WNT7A: variants seen among roughly 807,000 people sequenced by gnomAD.
WNT7A encodes the protein protein Wnt-7a.
A neutral mutation model predicts 28.2 loss-of-function variants in WNT7A; 16 were observed. That is an observed-to-expected ratio of 0.57 (90% CI 0.38 to 0.86). The LOEUF is 0.86. Ranked by LOEUF, WNT7A falls within the 40% of genes least tolerant of loss-of-function variation. The pLI is 0.00. For missense variants in WNT7A, 411 were observed against 489.7 expected (o/e 0.84, Z 1.52); for synonymous variants, 190 against 195.9 (o/e 0.97, Z 0.25).
intron 3 of WNT7A, among the ~76,000 whole-genome samples, chr3:13,841,682 G>A (rs1694459808): frequency 6.6e-6 from 1 of 152,242 alleles, no homozygotes; most frequent in Admixed American, 6.5e-5. Context: ...AGGTGGGAGG[G>A]AAGCTTCTGT....
At chr3:13,823,291 G>A (rs2124828093) in intron 3 of WNT7A, among the ~76,000 whole-genome samples, 1 of 152,374 alleles carries the variant, frequency 6.6e-6, no homozygotes, top group Non-Finnish European at 1.5e-5. Context: ...TTCAGTGTCA[G>A]GAGGTCTGAG....
intron 3 of WNT7A, among the ~76,000 whole-genome samples, chr3:13,842,648 G>A (rs1694481806): frequency 6.6e-6 from 1 of 152,242 alleles, no homozygotes; most frequent in South Asian, 2.1e-4. Flanking sequence ...TCATGGCCAA[G>A]GCCAGGGCCA....
At chr3:13,862,312 T>C (rs1320578951) in intron 2 of WNT7A, among the ~76,000 whole-genome samples, 1 of 152,232 alleles carries the variant, frequency 6.6e-6, no homozygotes, top group Non-Finnish European at 1.5e-5. Flanking sequence ...TAAACTGATG[T>C]CCAAGCCTGC....
At chr3:13,860,766 C>T (rs138361222) in intron 2 of WNT7A, among the ~76,000 whole-genome samples, 147 of 152,214 alleles carry the variant, frequency 9.7e-4, no homozygotes, top group African/African-American at 3.4e-3. Context: ...CGGGGAAGCC[C>T]CTTCATTCAG....
intron 3 of WNT7A, among the ~76,000 whole-genome samples, chr3:13,841,890 G>A (rs914987354): frequency 6.6e-6 from 1 of 152,212 alleles, no homozygotes; most frequent in East Asian, 1.9e-4. Context: ...GTCAGGAAAG[G>A]CCTCCTTGAG....
chr3:13,834,495 C>A (rs1308828615), intron 3 of WNT7A, among the ~76,000 whole-genome samples: 1 of 152,022 alleles, frequency 6.6e-6, no homozygotes, highest in African/African-American at 2.4e-5. Context: ...TTCCCTCTGT[C>A]CTCCAGGCAT....
intron 2 of WNT7A, among the ~76,000 whole-genome samples, chr3:13,872,095 A>G (rs575029002): frequency 6.6e-6 from 1 of 152,242 alleles, no homozygotes; most frequent in East Asian, 1.9e-4. Context: ...ACAAATCCAG[A>G]GCCATTCCCT....
rs140394066 is a variant in WNT7A at position 13,859,174 on chromosome 3, C to A, written c.299-4371G>T. ...TGTCCTGAAGGTCACAGCAGAGAGG[C>A]AAGTATGTGAGGCTGATCCAGTGTT... On this transcript the variant is annotated intron_variant, in intron 2 of 3. Coordinates refer to ENST00000285018, the MANE Select transcript of WNT7A (RefSeq NM_004625.4). Among the ~76,000 whole-genome samples, 442 of 152,310 alleles carry A rather than the reference C, an allele frequency of 2.9e-3. 2 individuals carry two copies. The highest frequency in any genetic ancestry group is 0.018 in the South Asian group (87 of 4,818).
intron 3 of WNT7A, among the ~76,000 whole-genome samples, chr3:13,829,516 C>T (rs116212205): frequency 0.017 from 2,553 of 152,276 alleles, 72 homozygotes; most frequent in African/African-American, 0.058. Flanking sequence ...GGGATGAGTG[C>T]GCACAGGGCT....
At chr3:13,830,102 A>G (rs950451836) in intron 3 of WNT7A, among the ~76,000 whole-genome samples, 1 of 151,944 alleles carries the variant, frequency 6.6e-6, no homozygotes, top group African/African-American at 2.4e-5. Context: ...GTCTTCTCCC[A>G]TCCACATTGC....
At chr3:13,829,781 A>G (rs1559295826) in intron 3 of WNT7A, among the ~76,000 whole-genome samples, 1 of 152,106 alleles carries the variant, frequency 6.6e-6, no homozygotes, top group Admixed American at 6.5e-5. Context: ...AAGTCCCTGG[A>G]GTGAAAGCCC....
chr3:13,876,391 G>A (rs1057442458), intron 1 of WNT7A, among the ~76,000 whole-genome samples: 3 of 152,220 alleles, frequency 2.0e-5, no homozygotes, highest in Admixed American at 2.0e-4. Flanking sequence ...AAGGGTGTAA[G>A]CAGGACACTG....
At chr3:13,848,138 G>A (rs1229708348) in intron 3 of WNT7A, among the ~76,000 whole-genome samples, 2 of 151,942 alleles carry the variant, frequency 1.3e-5, no homozygotes, top group African/African-American at 4.8e-5. Flanking sequence ...CAAAATCTTT[G>A]GGATCTAGGG....
At chr3:13,859,047 C>T (rs747808803) in intron 2 of WNT7A, among the ~76,000 whole-genome samples, 8 of 152,280 alleles carry the variant, frequency 5.3e-5, no homozygotes, top group Admixed American at 2.6e-4. Flanking sequence ...GGGTGTTGAG[C>T]GGTGCTGAGC....
intron 3 of WNT7A, among the ~76,000 whole-genome samples, chr3:13,849,500 C>T (rs1559300948): frequency 6.6e-6 from 1 of 152,200 alleles, no homozygotes; most frequent in Non-Finnish European, 1.5e-5. Flanking sequence ...CATTTGTTCA[C>T]TCAACAAATA....
intron 2 of WNT7A, among the ~76,000 whole-genome samples, chr3:13,857,286 G>A (rs1694761446): frequency 6.6e-6 from 1 of 152,210 alleles, no homozygotes; most frequent in African/African-American, 2.4e-5. Context: ...TGCCAAGGAG[G>A]GAGCTTTGGA....
intron 3 of WNT7A, among the ~76,000 whole-genome samples, chr3:13,833,162 A>G (rs1575061964): frequency 6.6e-6 from 1 of 152,060 alleles, no homozygotes; most frequent in Middle Eastern, 3.4e-3. Context: ...GGCCCCATGC[A>G]ACCCCCCACA....
intron 3 of WNT7A, among the ~76,000 whole-genome samples, chr3:13,833,959 C>A (rs1300903022): frequency 1.3e-5 from 2 of 152,132 alleles, no homozygotes; most frequent in African/African-American, 4.8e-5. Context: ...CCCTGACTCC[C>A]TTGAAGCTTA....
chr3:13,869,136 AGAAG>A (rs1293917543), intron 2 of WNT7A, among the ~76,000 whole-genome samples: 2 of 140,828 alleles, frequency 1.4e-5, no homozygotes, highest in African/African-American at 2.7e-5. Flanking sequence ...AATGAAAGAA[AGAAG>A]GAAGGAAGGA....
Sources: allele counts gnomAD v4.1 joint callset (sites outside exome capture counted in the v4.1 genomes callset), GRCh38; gene constraint gnomAD v4.1.1; transcripts MANE v1.5; gene names NCBI Gene and HGNC (gene_info 2026-07-23, HGNC 2026-07-21).